Variants in ANKRD30B observed in about 807,000 individuals in gnomAD.
ANKRD30B encodes ankyrin repeat domain 30B.
Under a neutral mutation model 202.2 loss-of-function variants are expected in ANKRD30B, and 144 were observed. The ratio of observed to expected loss-of-function variants is 0.71; its 90% CI spans 0.62 to 0.82. The LOEUF (loss-of-function observed/expected upper bound fraction) is 0.82. Ranked by LOEUF, ANKRD30B falls within the 40% of genes least tolerant of loss-of-function variation. The probability of loss-of-function intolerance (pLI) is 0.00; values close to 1 mark genes in which losing one functional copy is unlikely to be tolerated. For synonymous variants in ANKRD30B, 508 were observed against 561.3 expected, an observed-to-expected ratio of 0.91 and a Z score of 1.34; for missense variants, 1,487 against 1,669.1, an observed-to-expected ratio of 0.89 and a Z score of 1.90.
At chr18:14,859,973 G>A in the ANKRD30B span, among the ~76,000 whole-genome samples, 21 of 135,214 alleles carry the variant, frequency 1.6e-4, no homozygotes, top group East Asian at 1.9e-3. Context: ...TGGGGCGACC[G>A]GGAAGAGGCG....
chr18:14,786,911 A>G, intron 14 of ANKRD30B, 128 bp from the exon 15 acceptor site: 14 of 898,158 alleles, frequency 1.6e-5, no homozygotes, highest in Non-Finnish European at 2.3e-5. Flanking sequence ...ACTGTAATCA[A>G]CAAAAAGAAT....
intron 30 of ANKRD30B, chr18:14,816,659 A>T (rs1404418264): frequency 6.6e-6 from 1 of 151,786 alleles, no homozygotes. Context: ...AAAAAAAAAA[A>T]AGAATTTATT....
the ANKRD30B span, among the ~76,000 whole-genome samples, chr18:14,922,682 G>T: frequency 6.7e-6 from 1 of 148,944 alleles, no homozygotes; most frequent in African/African-American, 2.5e-5. Context: ...GAAAAGAAAA[G>T]AAAGTCTAGG....
chr18:14,793,237 C>T (rs1322633921), intron 16 of ANKRD30B, among the ~76,000 whole-genome samples: 1 of 152,000 alleles, frequency 6.6e-6, no homozygotes. Context: ...CAATTCATAA[C>T]ACTTTCACTG....
the ANKRD30B span, among the ~76,000 whole-genome samples, chr18:14,890,403 CTAA>C: frequency 6.6e-6 from 1 of 151,364 alleles, no homozygotes; most frequent in African/African-American, 2.4e-5. Flanking sequence ...ATAATAATAG[CTAA>C]TGTTTATTGA....
the ANKRD30B span, among the ~76,000 whole-genome samples, chr18:14,940,502 A>G: frequency 6.6e-6 from 1 of 152,248 alleles, no homozygotes; most frequent in Non-Finnish European, 1.5e-5. Flanking sequence ...TGGAAATGGC[A>G]AATGTTCATC....
chr18:14,862,248 G>A, the ANKRD30B span, among the ~76,000 whole-genome samples: 5 of 151,110 alleles, frequency 3.3e-5, no homozygotes, highest in Admixed American at 3.3e-4. Flanking sequence ...CAAACCCAAA[G>A]CTAGTAGAAG....
At chr18:14,854,713 C>G (rs1350558418), downstream of ANKRD30B, among the ~76,000 whole-genome samples, 5 of 152,050 alleles carry the variant, frequency 3.3e-5, no homozygotes, top group Admixed American at 2.6e-4. Flanking sequence ...ATTGAACCTT[C>G]TAGTTAAGAG....
intron 7 of ANKRD30B, 40 bp downstream of exon 7, chr18:14,764,130 T>A: frequency 6.8e-7 from 1 of 1,462,292 alleles, no homozygotes; most frequent in Non-Finnish European, 9.0e-7. Flanking sequence ...TTATTGGCAC[T>A]TTGGGTTCCC....
the ANKRD30B span, among the ~76,000 whole-genome samples, chr18:14,864,693 A>C: frequency 5.9e-5 from 8 of 135,654 alleles, no homozygotes; most frequent in African/African-American, 8.5e-5. Flanking sequence ...TTCAACTCCC[A>C]AAAACATTTC....
chr18:14,930,261 C>A, the ANKRD30B span, among the ~76,000 whole-genome samples: 1 of 151,440 alleles, frequency 6.6e-6, no homozygotes, highest in African/African-American at 2.4e-5. Flanking sequence ...TGACCTGGGC[C>A]TGGATTGTCA....
In ANKRD30B at chr18:14,757,875, G is replaced by A. The variant is rs771586702; in HGVS notation, c.678G>A (p.Gln226=). The A allele has an allele frequency of 1.2e-5, 19 of 1,613,542 alleles. No homozygotes were observed. Among genetic ancestry groups the A allele is most frequent in the Non-Finnish European group, 1.4e-5 (17 of 1,179,834 alleles). The change falls in exon 5 of 44, where the codon CAG becomes CAA. Residue 226 remains glutamine, a synonymous_variant. Transcript: ENST00000690538. ...CAGAGATAGTCGGCATGCTTCTTCA[G>A]CAAAATGTTGACGTCTTTGCTGAAG... The part of the protein sequence containing the change: ...GSSEIVGMLL[Q]QNVDVFAEDI...
At chr18:14,796,854 A>T (rs1362381172) in intron 18 of ANKRD30B, among the ~76,000 whole-genome samples, 2 of 152,096 alleles carry the variant, frequency 1.3e-5, no homozygotes, top group Non-Finnish European at 2.9e-5. Flanking sequence ...TCATTTGATT[A>T]TGAGGTGAGA....
At chr18:14,769,402 T>C (rs1916749053) in intron 8 of ANKRD30B, 29 bp downstream of exon 8, 2 of 1,530,684 alleles carry the variant, frequency 1.3e-6, no homozygotes, top group Non-Finnish European at 1.8e-6. Context: ...TTAAAACGAA[T>C]AGGTTAACTC....
At chr18:14,763,191 G>T (rs928747286) in intron 6 of ANKRD30B, among the ~76,000 whole-genome samples, 1 of 151,898 alleles carries the variant, frequency 6.6e-6, no homozygotes, top group Non-Finnish European at 1.5e-5. Flanking sequence ...ACTATGTCAT[G>T]CCATTACCAT....
intron 1 of ANKRD30B, among the ~76,000 whole-genome samples, chr18:14,751,084 A>C (rs1598555429): frequency 6.6e-6 from 1 of 152,052 alleles, no homozygotes; most frequent in East Asian, 1.9e-4. Flanking sequence ...ATATTCTGTG[A>C]ACTTTTAGCA....
At chr18:14,871,611 G>C in the ANKRD30B span, among the ~76,000 whole-genome samples, 2 of 151,994 alleles carry the variant, frequency 1.3e-5, no homozygotes, top group African/African-American at 4.8e-5. Flanking sequence ...GAGGAAGGGA[G>C]CTTGGCATGG....
At chr18:14,926,059 C>A in the ANKRD30B span, among the ~76,000 whole-genome samples, 8 of 152,150 alleles carry the variant, frequency 5.3e-5, no homozygotes, top group Non-Finnish European at 1.2e-4. Flanking sequence ...TGAAGATAAA[C>A]CTCAATTGCA....
At chr18:14,924,318 C>T in the ANKRD30B span, among the ~76,000 whole-genome samples, 448 of 152,336 alleles carry the variant, frequency 2.9e-3, 2 homozygotes, top group African/African-American at 0.01. Context: ...TCCCTGGCTA[C>T]GGAGCTAGCA....
Sources: gnomAD v4.1 joint callset for allele counts (sites outside exome capture counted in the v4.1 genomes callset) on GRCh38, gnomAD v4.1.1 for gene constraint, MANE v1.5 for transcripts, NCBI Gene and HGNC (gene_info 2026-07-23, HGNC 2026-07-21) for gene names.